SNX2: variants seen among roughly 807,000 people sequenced by gnomAD.
The protein encoded by SNX2 is sorting nexin-2.
A neutral mutation model predicts 69.9 loss-of-function variants in SNX2; 25 were observed. The ratio of observed to expected loss-of-function variants is 0.36; its 90% CI spans 0.26 to 0.50. The LOEUF (loss-of-function observed/expected upper bound fraction) is 0.50, where lower values mean the gene tolerates loss of function less well. Among genes scored for constraint, SNX2 ranks in the 20% least tolerant of loss-of-function variants. The probability of loss-of-function intolerance (pLI) is 0.97; values close to 1 mark genes in which losing one functional copy is unlikely to be tolerated. For synonymous variants in SNX2, 229 were observed against 200.4 expected (o/e 1.14, Z -1.20); for missense variants, 551 against 613.3 (o/e 0.90, Z 1.07).
intron 1 of SNX2, among the ~76,000 whole-genome samples, chr5:122,783,196 C>T (rs1753014696): frequency 6.6e-6 from 1 of 151,970 alleles, no homozygotes; most frequent in Non-Finnish European, 1.5e-5. Flanking sequence ...CCACCCATCT[C>T]GGCCTCCCAG....
chr5:122,798,014 T>G (rs1434536297), intron 2 of SNX2, among the ~76,000 whole-genome samples: 2 of 152,202 alleles, frequency 1.3e-5, no homozygotes, highest in East Asian at 3.8e-4. Context: ...GATTTCTTAA[T>G]AAAGTTACTA....
Position 122,827,449 on chromosome 5 carries a change from G to A in SNX2, c.1427G>A (p.Gly476Glu). The change falls in exon 13 of 15, where the codon GGA becomes GAA. Residue 476 changes from glycine (G) to glutamate (E), a missense_variant. Physicochemically the swap from Gly to Glu is moderately conservative, Grantham distance 98. This residue lies in a region of SNX2 where 360 missense variants were observed against 450.4 expected (regional missense o/e 0.80). Transcript: ENST00000379516. ...TCTAAAACGATTCGAAAAGAAGTGGGAAGATTTGAGGCATGTATAATAATT... is the reference window on the plus strand; with the variant it reads ...TCTAAAACGATTCGAAAAGAAGTGGAAAGATTTGAGGCATGTATAATAATT... ...QISKTIRKEV[G>E]RFEKERVKDF... 1 of 1,613,282 alleles carries A rather than the reference G, an allele frequency of 6.2e-7. No homozygotes were observed. Among genetic ancestry groups the A allele is most frequent in the Non-Finnish European group, 8.5e-7 (1 of 1,179,432 alleles).
chr5:122,808,427 C>T, intron 7 of SNX2, 72 bp downstream of exon 7: 1 of 1,113,504 alleles, frequency 9.0e-7, no homozygotes, highest in Non-Finnish European at 1.3e-6. Flanking sequence ...CATTATATGG[C>T]AAAACTGTGT....
intron 5 of SNX2, among the ~76,000 whole-genome samples, 192 bp from the exon 6 acceptor site, chr5:122,803,280 A>C (rs1398276763): frequency 1.3e-5 from 2 of 150,188 alleles, no homozygotes; most frequent in Non-Finnish European, 3.0e-5. Flanking sequence ...TTTTTGTCCT[A>C]TTAAGATTCT....
Position 122,795,135 on chromosome 5 carries a change from T to C in SNX2, c.109-131T>C. ...GTTCATTCTTACTCTCAGAGGAGGA[T>C]ATATAAATAGCTGTTCTTGTTCTTT... is the stretch of plus-strand genomic sequence containing the variant. On this transcript the variant is annotated intron_variant, in intron 1 of 14. Coordinates refer to ENST00000379516, the MANE Select transcript of SNX2 (RefSeq NM_003100.4). 3 of 624,098 alleles carry C rather than the reference T, an allele frequency of 4.8e-6. No homozygotes were observed. The East Asian group carries it at 8.0e-5, about 17-fold the overall frequency. 38.7% of individuals were successfully genotyped at this position (624,098 alleles called of 1,614,324 possible). A position where few individuals can be genotyped will look rare whatever the true frequency, so the allele number is the denominator to read the frequency against.
At chr5:122,782,628 C>T (rs544382466) in intron 1 of SNX2, among the ~76,000 whole-genome samples, 1 of 152,166 alleles carries the variant, frequency 6.6e-6, no homozygotes, top group East Asian at 1.9e-4. Flanking sequence ...CCTCCACCTC[C>T]CCAGTTCAAG....
Position 122,808,366 on chromosome 5 carries a change from A to T in SNX2, c.722+11A>T. ...AGCAGCTCTTGAAAGGTAATTCTAG[A>T]CAGCTATATTTTATTACTCTCATGT... is the stretch of plus-strand genomic sequence containing the variant. On this transcript the variant is annotated intron_variant, in intron 7 of 14. Coordinates refer to ENST00000379516, the MANE Select transcript of SNX2 (RefSeq NM_003100.4). The T allele has an allele frequency of 6.4e-7, 1 of 1,566,440 alleles. No homozygotes were observed. The highest frequency in any genetic ancestry group is 8.8e-7 in the Non-Finnish European group (1 of 1,142,456).
intron 11 of SNX2, among the ~76,000 whole-genome samples, chr5:122,823,203 A>G (rs1437048906): frequency 1.3e-5 from 2 of 152,188 alleles, no homozygotes; most frequent in Non-Finnish European, 2.9e-5. Flanking sequence ...GTATCTTGAC[A>G]TACAAAGGGA....
chr5:122,826,460 G>A (rs1045217838), intron 12 of SNX2, among the ~76,000 whole-genome samples: 2 of 151,774 alleles, frequency 1.3e-5, no homozygotes, highest in Admixed American at 6.6e-5. Flanking sequence ...TTATTAGATG[G>A]TTAATTTTAT....
intron 6 of SNX2, among the ~76,000 whole-genome samples, chr5:122,807,924 T>G (rs527562739): frequency 6.6e-6 from 1 of 152,318 alleles, no homozygotes; most frequent in Non-Finnish European, 1.5e-5. Flanking sequence ...TGATTTGAAA[T>G]TCCATTATGT....
Position 122,806,142 on chromosome 5 carries a change from G to GCGCACGCGCGCGCACACACACACA in SNX2, c.644-2134_644-2133insGCACGCGCGCGCACACACACACAC. 2.0e-4 allele frequency among the ~76,000 whole-genome samples: 26 copies of GCGCACGCGCGCGCACACACACACA among 130,654 alleles called. 1 individual carries two copies. The highest frequency in any genetic ancestry group is 9.4e-4 in the South Asian group (4 of 4,270). The allele number at this position is 130,654 out of a possible 152,430, so 85.7% of individuals were successfully genotyped here. A position where few individuals can be genotyped will look rare whatever the true frequency, so the allele number is the denominator to read the frequency against. The stretch of plus-strand genomic sequence containing the variant: ...TGTGTATATATATACACACGCGCGC[G>GCGCACGCGCGCGCACACACACACA]CACACACACACACACACACACACAC... On this transcript the variant is annotated intron_variant, in intron 6 of 14. Coordinates refer to ENST00000379516, the MANE Select transcript of SNX2 (RefSeq NM_003100.4).
intron 1 of SNX2, among the ~76,000 whole-genome samples, chr5:122,776,854 A>G (rs1752867959): frequency 6.6e-6 from 1 of 152,218 alleles, no homozygotes; most frequent in Non-Finnish European, 1.5e-5. Flanking sequence ...TAAAAAACAG[A>G]GTGTTACAAC....
At chr5:122,826,784 C>A in intron 12 of SNX2, 1 of 239,472 alleles carries the variant, frequency 4.2e-6, no homozygotes, top group Non-Finnish European at 6.8e-6. Context: ...TTTCATTGTT[C>A]ACTAATCACA....
At chr5:122,814,753 T>TTTTTTTGTTTTTTTTTTG (rs11269917) in intron 7 of SNX2, among the ~76,000 whole-genome samples, 2 of 151,010 alleles carry the variant, frequency 1.3e-5, no homozygotes, top group Admixed American at 6.6e-5. Context: ...GATAGCAGGT[T>TTTTTTTGTTTTTTTTTTG]TTTTTTTGTT....
chr5:122,792,472 C>A (rs530775685), intron 1 of SNX2, among the ~76,000 whole-genome samples: 1 of 152,192 alleles, frequency 6.6e-6, no homozygotes, highest in Non-Finnish European at 1.5e-5. Flanking sequence ...TGGCGGGTGC[C>A]TGTGGTCCCG....
intron 7 of SNX2, among the ~76,000 whole-genome samples, chr5:122,810,223 C>T (rs1334571230): frequency 6.6e-6 from 1 of 150,690 alleles, no homozygotes; most frequent in Non-Finnish European, 1.5e-5. Flanking sequence ...TAAGAGTCAT[C>T]ACCACTCCCT....
At chr5:122,797,136 C>A (rs537108079) in intron 2 of SNX2, among the ~76,000 whole-genome samples, 1 of 152,296 alleles carries the variant, frequency 6.6e-6, no homozygotes, top group East Asian at 1.9e-4. Flanking sequence ...CTATGTTGCC[C>A]AGGCTGGTCT....
chr5:122,791,467 A>G (rs906402834), intron 1 of SNX2, among the ~76,000 whole-genome samples: 4 of 152,214 alleles, frequency 2.6e-5, no homozygotes, highest in Non-Finnish European at 4.4e-5. Flanking sequence ...TTTTTAGTAG[A>G]GACGGGGTTT....
chr5:122,801,679 G>GTGTGTT (rs1753517097), intron 3 of SNX2, among the ~76,000 whole-genome samples, 190 bp from the exon 4 acceptor site: 1 of 150,940 alleles, frequency 6.6e-6, no homozygotes, highest in Non-Finnish European at 1.5e-5. Flanking sequence ...GTGTGTGTGT[G>GTGTGTT]TGTGTGTGTG....
Sources: allele counts gnomAD v4.1 joint callset (sites outside exome capture counted in the v4.1 genomes callset), GRCh38; gene constraint gnomAD v4.1.1; regional missense constraint gnomAD v4.1.1; transcripts MANE v1.5; gene names NCBI Gene and HGNC (gene_info 2026-07-23, HGNC 2026-07-21).